Variants in G6PC2 observed in about 807,000 individuals in gnomAD.
G6PC2 encodes glucose-6-phosphatase 2.
In G6PC2, 41 loss-of-function variants were observed where a neutral mutation model predicts 35.4. The ratio of observed to expected loss-of-function variants is 1.16; its 90% CI spans 0.90 to 1.50. The LOEUF (loss-of-function observed/expected upper bound fraction) is 1.50, where lower values mean the gene tolerates loss of function less well. G6PC2 is among the 40% of genes most tolerant of loss of function. G6PC2 has a pLI of 0.00. For missense variants in G6PC2, 441 were observed against 426.5 expected, an observed-to-expected ratio of 1.03 and a Z score of -0.30; for synonymous variants, 165 against 153.2, an observed-to-expected ratio of 1.08 and a Z score of -0.57.
chr2:168,905,489 TC>T lies in G6PC2; in HGVS notation c.440+874del, dbSNP rs1312224927. On this transcript the variant is annotated intron_variant, in intron 3 of 4. Coordinates refer to ENST00000375363, the MANE Select transcript of G6PC2 (RefSeq NM_021176.3). ...GAATTTGGGTGTCTTAAAAGTTTAT[TC>T]TAATGAGACTGTGACCTGTATGCCT... 2.6e-5 allele frequency among the ~76,000 whole-genome samples: 4 copies of T among 152,178 alleles called. 1 individual carries two copies. The highest frequency in any genetic ancestry group is 5.9e-5 in the Non-Finnish European group (4 of 68,004).
chr2:168,905,589 T>C (rs1397561296), intron 3 of G6PC2, among the ~76,000 whole-genome samples: 1 of 152,180 alleles, frequency 6.6e-6, no homozygotes, highest in Non-Finnish European at 1.5e-5. Context: ...GCATTTTCTA[T>C]TTACAGACAA....
rs373009921 is a variant in G6PC2 at position 168,906,787 on chromosome 2, T to C, written c.556+8T>C. On this transcript the variant is annotated splice_region_variant and intron_variant, in intron 4 of 4. Transcript: ENST00000375363. ...TTCTTGGAGTAATTGGTGGTAAATA[T>C]GATCACTTACCTTTAGCTGTGTCCT... is the stretch of plus-strand genomic sequence containing the variant. 21 of 1,233,040 alleles carry C rather than the reference T, an allele frequency of 1.7e-5. No individual in the cohort carries two copies. In the African/African-American group the frequency reaches 2.7e-4, roughly 16 times the overall value. The allele number at this position is 1,233,040 out of a possible 1,614,324, so 76.4% of individuals were successfully genotyped here. A position where few individuals can be genotyped will look rare whatever the true frequency, so the allele number is the denominator to read the frequency against.
intron 2 of G6PC2, among the ~76,000 whole-genome samples, chr2:168,903,947 A>G (rs1448459668): frequency 1.3e-5 from 2 of 152,164 alleles, no homozygotes; most frequent in African/African-American, 4.8e-5. Flanking sequence ...CAAGATAGGC[A>G]TAGAAGTAGC....
rs1017707705 is a variant in G6PC2, at chr2:168,909,205, G to A, written c.*1126G>A. 2.0e-5 allele frequency: 3 copies of A among 152,220 alleles called. No homozygotes were observed. Among genetic ancestry groups the A allele is most frequent in the African/African-American group, 7.2e-5 (3 of 41,430 alleles). The allele number at this position is 152,220 out of a possible 1,614,324, so 9.4% of individuals were successfully genotyped here. On this transcript the variant is annotated 3_prime_UTR_variant, in exon 5 of 5. Transcript: ENST00000375363. Reference sequence around the variant, plus strand: ...GGTGGGACCAACAGTGGCTCCAGATGTATATACACACGGGTCCAGGGACAA... The same window carrying A: ...GGTGGGACCAACAGTGGCTCCAGATATATATACACACGGGTCCAGGGACAA...
intron 4 of G6PC2, 127 bp downstream of exon 4, chr2:168,906,906 A>G (rs989648908): frequency 4.2e-6 from 3 of 721,340 alleles, no homozygotes; most frequent in Non-Finnish European, 7.7e-6. Context: ...AGTCACTGAT[A>G]CTAAATGCTA....
chr2:168,906,642 T>C (rs1277075781), intron 3 of G6PC2, 22 bp from the exon 4 acceptor site: 1 of 1,179,684 alleles, frequency 8.5e-7, no homozygotes, highest in South Asian at 1.2e-5. Flanking sequence ...TTTTTATGCT[T>C]GTATCTATTC....
chr2:168,901,737 G>GTTT (rs34174689), intron 1 of G6PC2, among the ~76,000 whole-genome samples, 188 bp downstream of exon 1: 6 of 130,468 alleles, frequency 4.6e-5, no homozygotes, highest in Admixed American at 7.7e-5. Context: ...ATATGTTTTT[G>GTTT]TTTTTTTTTT....
chr2:168,903,524 G>A (rs549289316), intron 2 of G6PC2, among the ~76,000 whole-genome samples: 1 of 152,190 alleles, frequency 6.6e-6, no homozygotes, highest in South Asian at 2.1e-4. Flanking sequence ...TGAATGGTTG[G>A]ATGGGTAACA....
chr2:168,906,684 G>A lies in G6PC2; in HGVS notation c.461G>A (p.Trp154Ter), dbSNP rs751915325. The change falls in exon 4 of 5, where the codon TGG (tryptophan) becomes TAG (stop). Residue 154 changes from tryptophan to a stop codon, truncating the protein, a stop_gained. Transcript: ENST00000375363. LOFTEE classifies it high-confidence loss of function. ...TLHRLTWSFL[W>*]SVFWLIQISV... ...CGTAGACTGACCTGGTCATTTCTTT[G>A]GAGTGTTTTTTGGTTGATTCAAATC... is the stretch of plus-strand genomic sequence containing the variant. 1.3e-6 allele frequency: 2 copies of A among 1,585,858 alleles called. No individual in the cohort carries two copies. Among genetic ancestry groups the A allele is most frequent in the Middle Eastern group, 3.3e-4 (2 of 6,004 alleles).
intron 4 of G6PC2, among the ~76,000 whole-genome samples, chr2:168,907,167 C>T (rs1427490937): frequency 2.0e-5 from 3 of 152,192 alleles, no homozygotes; most frequent in African/African-American, 7.2e-5. Context: ...TACATGATTA[C>T]GGACTCCATT....
intron 4 of G6PC2, among the ~76,000 whole-genome samples, chr2:168,907,199 G>T (rs1443521119): frequency 1.3e-5 from 2 of 152,120 alleles, no homozygotes; most frequent in Admixed American, 6.5e-5. Flanking sequence ...TTGTATTCCT[G>T]AAGCAGTGTT....
chr2:168,909,026 G>T lies in G6PC2; in HGVS notation c.*947G>T, dbSNP rs192302753. Reference sequence around the variant, plus strand: ...TAATAGTTGGCCTACACTGTCTTTTGTTTCTTCATTTACAAGAGGTAAAAA... The same window carrying T: ...TAATAGTTGGCCTACACTGTCTTTTTTTTCTTCATTTACAAGAGGTAAAAA... On this transcript the variant is annotated 3_prime_UTR_variant, in exon 5 of 5. Coordinates refer to ENST00000375363, the MANE Select transcript of G6PC2 (RefSeq NM_021176.3). 28 of 152,202 alleles carry T rather than the reference G, an allele frequency of 1.8e-4. No individual in the cohort carries two copies. The highest frequency in any genetic ancestry group is 1.2e-3 in the Admixed American group (18 of 15,278). 9.4% of individuals were successfully genotyped at this position (152,202 alleles called of 1,614,324 possible).
At position 168,909,159 on chromosome 2, in the gene G6PC2, C is replaced by T. The variant is rs1690795085; in HGVS notation, c.*1080C>T. The T allele has an allele frequency of 1.3e-5, 2 of 152,102 alleles. No homozygotes were observed. Among genetic ancestry groups the T allele is most frequent in the African/African-American group, 4.8e-5 (2 of 41,404 alleles). The allele number at this position is 152,102 out of a possible 1,614,324, so 9.4% of individuals were successfully genotyped here. The stretch of plus-strand genomic sequence containing the variant: ...ACTGCATCCTCTTTGACTTATACCC[C>T]ACACATACATGCAGGGTCTAGGTGG... On this transcript the variant is annotated 3_prime_UTR_variant, in exon 5 of 5. Transcript: ENST00000375363.
At chr2:168,903,494 A>ACCC (rs1690645934) in intron 2 of G6PC2, among the ~76,000 whole-genome samples, 1 of 152,212 alleles carries the variant, frequency 6.6e-6, no homozygotes, top group Admixed American at 6.5e-5. Context: ...TCTTTGTGAA[A>ACCC]CCAAAGTGTG....
chr2:168,903,372 T>A (rs1386913468), intron 2 of G6PC2, among the ~76,000 whole-genome samples: 1 of 152,198 alleles, frequency 6.6e-6, no homozygotes, highest in Non-Finnish European at 1.5e-5. Context: ...CCCATAGAAG[T>A]ATACATACAT....
intron 3 of G6PC2, among the ~76,000 whole-genome samples, chr2:168,905,198 T>C (rs1690683357): frequency 1.3e-5 from 2 of 152,208 alleles, no homozygotes; most frequent in South Asian, 4.1e-4. Context: ...TAGAAAGATC[T>C]AGAACTTAAA....
chr2:168,902,810 T>G, intron 2 of G6PC2: 1 of 512,554 alleles, frequency 2.0e-6, no homozygotes, highest in Non-Finnish European at 3.5e-6. Context: ...TGTTTACTTT[T>G]CAGAAGAATA....
In G6PC2 at chr2:168,908,266, C is replaced by G; in HGVS notation, c.*187C>G. The G allele has an allele frequency of 4.9e-6, 3 of 610,404 alleles. No homozygotes were observed. In the South Asian group the frequency reaches 5.9e-5, roughly 12 times the overall value. The allele number at this position is 610,404 out of a possible 1,614,324, so 37.8% of individuals were successfully genotyped here. A position where few individuals can be genotyped will look rare whatever the true frequency, so the allele number is the denominator to read the frequency against. On this transcript the variant is annotated 3_prime_UTR_variant, in exon 5 of 5. Coordinates refer to ENST00000375363, the MANE Select transcript of G6PC2 (RefSeq NM_021176.3). The stretch of plus-strand genomic sequence containing the variant: ...TCTTTTTTTTTAATCCTTCAGTTAC[C>G]AATATTTAGATACAAGAATATTTGA...
At chr2:168,907,387 A>G (rs1030655969) in intron 4 of G6PC2, among the ~76,000 whole-genome samples, 181 bp from the exon 5 acceptor site, 3 of 152,230 alleles carry the variant, frequency 2.0e-5, no homozygotes, top group Admixed American at 2.0e-4. Flanking sequence ...TAATGAAAAC[A>G]CCGTGGGCAA....
Sources: allele counts gnomAD v4.1 joint callset (sites outside exome capture counted in the v4.1 genomes callset), GRCh38; gene constraint gnomAD v4.1.1; transcripts MANE v1.5; gene names NCBI Gene and HGNC (gene_info 2026-07-23, HGNC 2026-07-21).